Variants in EEIG1 observed in about 807,000 individuals in gnomAD.
The protein encoded by EEIG1 is early estrogen-induced gene 1 protein.
the EEIG1 span, among the ~76,000 whole-genome samples, chr9:127,954,609 C>A: frequency 2.6e-5 from 4 of 152,312 alleles, no homozygotes; most frequent in Non-Finnish European, 4.4e-5. Flanking sequence ...TCATGCCAAA[C>A]CTTTCCAACC....
the EEIG1 span, among the ~76,000 whole-genome samples, chr9:127,965,840 C>T: frequency 4.1e-3 from 623 of 152,356 alleles, 3 homozygotes; most frequent in Admixed American, 7.5e-3. Flanking sequence ...GAAGAGCCAG[C>T]GTGGCAGCAC....
At chr9:127,953,752 G>A in the EEIG1 span, 1 of 1,613,626 alleles carries the variant, frequency 6.2e-7, no homozygotes, top group Non-Finnish European at 8.5e-7. Context: ...GGACTCATGA[G>A]GGGAGGGGCC....
At chr9:127,979,696 G>T in the EEIG1 span, among the ~76,000 whole-genome samples, 4 of 152,204 alleles carry the variant, frequency 2.6e-5, no homozygotes, top group Non-Finnish European at 5.9e-5. Context: ...CAATCGCTCA[G>T]GGTACAAATC....
the EEIG1 span, among the ~76,000 whole-genome samples, chr9:127,957,643 T>G: frequency 6.6e-6 from 1 of 152,232 alleles, no homozygotes; most frequent in Non-Finnish European, 1.5e-5. Context: ...ACCAGAATAG[T>G]CAACATAATC....
At chr9:127,943,091 T>C in the EEIG1 span, 5 of 1,059,354 alleles carry the variant, frequency 4.7e-6, no homozygotes, top group East Asian at 2.4e-5. Context: ...ATGGATGAGA[T>C]GTGGCGCAGA....
the EEIG1 span, chr9:127,943,554 T>C: frequency 2.6e-6 from 1 of 385,510 alleles, no homozygotes; most frequent in South Asian, 2.9e-5. Context: ...CTCAGAGGGA[T>C]GTGAGGGTGA....
the EEIG1 span, chr9:127,953,240 T>C: frequency 3.0e-6 from 1 of 337,526 alleles, no homozygotes; most frequent in Admixed American, 4.4e-5. Flanking sequence ...GCTCTCTTTG[T>C]ATGGTATATT....
chr9:127,960,432 G>A, the EEIG1 span, among the ~76,000 whole-genome samples: 1 of 152,176 alleles, frequency 6.6e-6, no homozygotes, highest in African/African-American at 2.4e-5. Flanking sequence ...TTGCCCCCGT[G>A]GACTGTGGCT....
the EEIG1 span, among the ~76,000 whole-genome samples, chr9:127,949,185 G>A: frequency 4.0e-5 from 6 of 151,864 alleles, no homozygotes; most frequent in East Asian, 1.2e-3. Context: ...GTGGTGGCGG[G>A]CACCTGTAGT....
chr9:127,967,954 T>C, the EEIG1 span, among the ~76,000 whole-genome samples: 1 of 147,476 alleles, frequency 6.8e-6, no homozygotes, highest in Non-Finnish European at 1.5e-5. Flanking sequence ...CCCAGGACCA[T>C]AGATCAGGAT....
the EEIG1 span, among the ~76,000 whole-genome samples, chr9:127,951,291 C>T: frequency 8.5e-5 from 13 of 152,214 alleles, no homozygotes; most frequent in Non-Finnish European, 1.6e-4. Context: ...CTCTGCTTAC[C>T]ACCTCCTGCC....
chr9:127,967,001 C>T, the EEIG1 span, among the ~76,000 whole-genome samples: 16 of 152,340 alleles, frequency 1.1e-4, no homozygotes, highest in East Asian at 2.7e-3. Flanking sequence ...GCATCTGTCA[C>T]GCTAGCGACC....
the EEIG1 span, chr9:127,953,612 G>C: frequency 6.2e-7 from 1 of 1,613,878 alleles, no homozygotes; most frequent in African/African-American, 1.3e-5. Context: ...CTCCTGCACA[G>C]GGAGGGAGAC....
At chr9:127,959,654 G>A in the EEIG1 span, among the ~76,000 whole-genome samples, 1 of 152,132 alleles carries the variant, frequency 6.6e-6, no homozygotes, top group South Asian at 2.1e-4. Context: ...TTTTATAAGG[G>A]GCTCTTTCCC....
the EEIG1 span, among the ~76,000 whole-genome samples, chr9:127,949,116 C>A: frequency 1.3e-5 from 2 of 151,964 alleles, no homozygotes; most frequent in African/African-American, 4.8e-5. Context: ...GGGCTCGAGA[C>A]CATCCTGGCT....
the EEIG1 span, chr9:127,942,378 C>G: frequency 6.6e-6 from 1 of 152,512 alleles, no homozygotes; most frequent in African/African-American, 2.4e-5. Context: ...GAGGCAGCAC[C>G]CGTTCCCGCC....
chr9:127,944,405 G>C, the EEIG1 span: 8 of 602,952 alleles, frequency 1.3e-5, no homozygotes, highest in Non-Finnish European at 2.4e-5. Context: ...GAACCTGTCC[G>C]TGCCCTCACT....
the EEIG1 span, among the ~76,000 whole-genome samples, chr9:127,975,063 A>G: frequency 7.2e-5 from 11 of 152,326 alleles, no homozygotes; most frequent in Non-Finnish European, 1.0e-4. Context: ...GGTGGATTCA[A>G]CCAGCATTCC....
At chr9:127,964,810 T>C in the EEIG1 span, among the ~76,000 whole-genome samples, 3 of 151,842 alleles carry the variant, frequency 2.0e-5, no homozygotes, top group Admixed American at 2.0e-4. Context: ...CAGATAAAAA[T>C]ATCCCTGGCA....
Sources: gnomAD v4.1 joint callset for allele counts (sites outside exome capture counted in the v4.1 genomes callset) on GRCh38, gnomAD v4.1.1 for gene constraint, MANE v1.5 for transcripts, NCBI Gene and HGNC (gene_info 2026-07-23, HGNC 2026-07-21) for gene names.